Variants in AKAP19 observed in about 807,000 individuals in gnomAD.
The protein encoded by AKAP19 is small A-kinase anchoring protein.
At chr2:189,942,005 A>G in the AKAP19 span, among the ~76,000 whole-genome samples, 104,703 of 152,028 alleles carry the variant, frequency 0.69, 37,005 homozygotes, top group East Asian at 0.86. Context: ...AAAAAAGAGC[A>G]GGGGGAGCTA....
At chr2:189,882,377 G>A in the AKAP19 span, among the ~76,000 whole-genome samples, 9 of 152,282 alleles carry the variant, frequency 5.9e-5, no homozygotes, top group South Asian at 4.1e-4. Flanking sequence ...TCCTTACGAC[G>A]TGTGCCCAAA....
At chr2:189,982,485 C>T in the AKAP19 span, among the ~76,000 whole-genome samples, 2 of 152,026 alleles carry the variant, frequency 1.3e-5, no homozygotes, top group Non-Finnish European at 2.9e-5. Context: ...AATTCTTTAT[C>T]TGTCATTTCA....
the AKAP19 span, chr2:190,059,992 C>T: frequency 1.3e-6 from 2 of 1,493,614 alleles, no homozygotes; most frequent in Admixed American, 1.7e-5. Context: ...AGCTATTTTC[C>T]ACTATTGTTT....
the AKAP19 span, among the ~76,000 whole-genome samples, chr2:190,052,129 T>C: frequency 4.6e-5 from 7 of 151,976 alleles, no homozygotes; most frequent in Non-Finnish European, 8.8e-5. Flanking sequence ...GTGATCTACT[T>C]TTCTTTACTA....
chr2:189,987,933 T>G, the AKAP19 span, among the ~76,000 whole-genome samples: 2 of 151,862 alleles, frequency 1.3e-5, no homozygotes, highest in Non-Finnish European at 2.9e-5. Context: ...GACCAGATTT[T>G]TATTATTACT....
chr2:189,927,444 A>G, the AKAP19 span, among the ~76,000 whole-genome samples: 16 of 152,334 alleles, frequency 1.1e-4, no homozygotes, highest in African/African-American at 2.6e-4. Context: ...AGTTTTAGTG[A>G]GAATAATATT....
At chr2:190,029,634 G>T in the AKAP19 span, among the ~76,000 whole-genome samples, 1 of 152,186 alleles carries the variant, frequency 6.6e-6, no homozygotes, top group Non-Finnish European at 1.5e-5. Context: ...TTTAAGTTTT[G>T]TGGGTTGTAT....
the AKAP19 span, among the ~76,000 whole-genome samples, chr2:189,988,687 G>C: frequency 2.6e-5 from 4 of 152,156 alleles, no homozygotes; most frequent in Non-Finnish European, 5.9e-5. Context: ...TGGATATTTG[G>C]ATGGCCAGAC....
At chr2:189,910,751 C>T in the AKAP19 span, among the ~76,000 whole-genome samples, 684 of 151,946 alleles carry the variant, frequency 4.5e-3, 6 homozygotes, top group African/African-American at 0.015. Flanking sequence ...ATGAACGCAA[C>T]GACACAGCTC....
chr2:189,924,402 TC>T, the AKAP19 span, among the ~76,000 whole-genome samples: 1 of 152,232 alleles, frequency 6.6e-6, no homozygotes. Flanking sequence ...CATTTTCACT[TC>T]CTTTGACGCT....
the AKAP19 span, among the ~76,000 whole-genome samples, chr2:190,191,609 T>C: frequency 9.9e-5 from 15 of 152,200 alleles, no homozygotes; most frequent in African/African-American, 3.4e-4. Context: ...TGTATGAGAG[T>C]GCAGTTGCTC....
At chr2:190,035,299 C>T in the AKAP19 span, among the ~76,000 whole-genome samples, 46 of 151,894 alleles carry the variant, frequency 3.0e-4, 1 homozygote, top group East Asian at 1.9e-4. Context: ...GGCATGGTGG[C>T]GGGCACCTGT....
At chr2:190,147,590 G>A in the AKAP19 span, among the ~76,000 whole-genome samples, 4 of 152,190 alleles carry the variant, frequency 2.6e-5, no homozygotes, top group Non-Finnish European at 4.4e-5. Context: ...GCTTTTGGCA[G>A]TATGGACATT....
At chr2:190,035,789 T>C in the AKAP19 span, among the ~76,000 whole-genome samples, 4 of 152,258 alleles carry the variant, frequency 2.6e-5, no homozygotes, top group Non-Finnish European at 2.9e-5. Context: ...TTCCATTTTA[T>C]GGATGTACCA....
chr2:189,912,511 A>C, the AKAP19 span, among the ~76,000 whole-genome samples: 1 of 152,198 alleles, frequency 6.6e-6, no homozygotes, highest in Non-Finnish European at 1.5e-5. Context: ...ACTGCACTCC[A>C]GCCCGGGCAA....
the AKAP19 span, among the ~76,000 whole-genome samples, chr2:190,170,246 A>T: frequency 1.3e-5 from 2 of 152,202 alleles, no homozygotes; most frequent in African/African-American, 4.8e-5. Context: ...CCCCATCTCT[A>T]AATATGATCA....
At chr2:189,985,734 A>G in the AKAP19 span, among the ~76,000 whole-genome samples, 2 of 152,226 alleles carry the variant, frequency 1.3e-5, no homozygotes, top group Non-Finnish European at 2.9e-5. Context: ...TATTCTGAGC[A>G]TACCCCTCTG....
chr2:190,141,395 C>T, the AKAP19 span, among the ~76,000 whole-genome samples: 17 of 152,134 alleles, frequency 1.1e-4, no homozygotes, highest in Admixed American at 3.9e-4. Flanking sequence ...GAAAAAATAC[C>T]TGAGACTGGG....
At chr2:190,134,947 C>G in the AKAP19 span, among the ~76,000 whole-genome samples, 2 of 151,948 alleles carry the variant, frequency 1.3e-5, no homozygotes, top group Non-Finnish European at 2.9e-5. Flanking sequence ...GATATTATAA[C>G]TCTTCAAAGC....
Sources: gnomAD v4.1 joint callset for allele counts (sites outside exome capture counted in the v4.1 genomes callset) on GRCh38, gnomAD v4.1.1 for gene constraint, MANE v1.5 for transcripts, NCBI Gene and HGNC (gene_info 2026-07-23, HGNC 2026-07-21) for gene names.